The following LDHAL6A variants were observed in gnomAD, a reference collection of about 807,000 sequenced individuals.
LDHAL6A encodes L-lactate dehydrogenase A-like 6A.
A neutral mutation model predicts 28.2 loss-of-function variants in LDHAL6A; 19 were observed. That is an observed-to-expected ratio of 0.67 (90% CI 0.47 to 0.99). LDHAL6A has a LOEUF of 0.99. Among genes scored for constraint, LDHAL6A ranks in the 50% least tolerant of loss-of-function variants. The pLI, the probability that LDHAL6A is intolerant of heterozygous loss-of-function variation, is 0.00. For synonymous variants in LDHAL6A, 144 were observed against 134.4 expected, an observed-to-expected ratio of 1.07 and a Z score of -0.49; for missense variants, 372 against 398.6, an observed-to-expected ratio of 0.93 and a Z score of 0.57.
In LDHAL6A at chr11:18,479,479, G is replaced by A. The variant is rs1333694132; in HGVS notation, c.*609G>A. On this transcript the variant is annotated 3_prime_UTR_variant, in exon 7 of 7. Transcript: ENST00000280706. ...CAGGTGCATAGTAATTCTTCTCTATGGCTTAATACCTATGTTCATTTACAT... is the reference window on the plus strand; with the variant it reads ...CAGGTGCATAGTAATTCTTCTCTATAGCTTAATACCTATGTTCATTTACAT... The A allele has an allele frequency of 6.6e-6, 1 of 151,690 alleles. No individual in the cohort carries two copies. Among genetic ancestry groups the A allele is most frequent in the Non-Finnish European group, 1.5e-5 (1 of 67,946 alleles). 9.4% of individuals were successfully genotyped at this position (151,690 alleles called of 1,614,324 possible). A position where few individuals can be genotyped will look rare whatever the true frequency, so the allele number is the denominator to read the frequency against.
rs1285929541 is a variant in LDHAL6A, at chr11:18,456,516, C to T, written c.-165C>T. On this transcript the variant is annotated 5_prime_UTR_variant, in exon 1 of 7. Transcript: ENST00000280706. Reference sequence around the variant, plus strand: ...GGCCAGAACCTACCCAGCTTCTTTGCTGGTCAGATTTGTCGGTCTTTTGTG... The same window carrying T: ...GGCCAGAACCTACCCAGCTTCTTTGTTGGTCAGATTTGTCGGTCTTTTGTG... The T allele has an allele frequency of 8.1e-6, 5 of 614,396 alleles. No individual in the cohort carries two copies. The highest frequency in any genetic ancestry group is 2.9e-5 in the East Asian group (1 of 33,984). The allele number at this position is 614,396 out of a possible 1,614,324, so 38.1% of individuals were successfully genotyped here.
In LDHAL6A at chr11:18,478,901, G is replaced by A; in HGVS notation, c.*31G>A. 2 of 1,548,026 alleles carry A rather than the reference G, an allele frequency of 1.3e-6. No individual in the cohort carries two copies. The highest frequency in any genetic ancestry group is 1.8e-6 in the Non-Finnish European group (2 of 1,135,650). Reference sequence around the variant, plus strand: ...CTTAAAGCTAATTCTGTAGATTGAAGATGAAATAGTAGTTATGGAATTGTA... The same window carrying A: ...CTTAAAGCTAATTCTGTAGATTGAAAATGAAATAGTAGTTATGGAATTGTA... On this transcript the variant is annotated 3_prime_UTR_variant, in exon 7 of 7. Coordinates refer to ENST00000280706, the MANE Select transcript of LDHAL6A (RefSeq NM_144972.5).
At chr11:18,463,753 T>C (rs1425528767) in intron 1 of LDHAL6A, among the ~76,000 whole-genome samples, 1 of 152,236 alleles carries the variant, frequency 6.6e-6, no homozygotes, top group East Asian at 1.9e-4. Flanking sequence ...GTTTTCCTCA[T>C]GATGAGCTGA....
At chr11:18,463,041 C>G (rs1199054027) in intron 1 of LDHAL6A, among the ~76,000 whole-genome samples, 1 of 151,398 alleles carries the variant, frequency 6.6e-6, no homozygotes, top group Non-Finnish European at 1.5e-5. Context: ...GAATTGATTT[C>G]TGTAGGTAAT....
chr11:18,456,862 C>A, intron 1 of LDHAL6A, 56 bp downstream of exon 1: 3 of 1,562,752 alleles, frequency 1.9e-6, no homozygotes, highest in Non-Finnish European at 2.6e-6. Flanking sequence ...GAGGCCACAG[C>A]GTATGGTTGT....
chr11:18,473,002 G>T (rs1328393964), intron 3 of LDHAL6A, among the ~76,000 whole-genome samples: 1 of 151,898 alleles, frequency 6.6e-6, no homozygotes, highest in African/African-American at 2.4e-5. Context: ...GAAATAGCAG[G>T]ACAATCACTT....
rs747636278 is a variant in LDHAL6A at position 18,456,787 on chromosome 11, C to T, written c.107C>T (p.Ala36Val). ...VGTGSVGVAC[A>V]ISILLKGLSD... Reference sequence around the variant, plus strand: ...ACTGGATCGGTTGGTGTGGCTTGTGCTATCAGCATCTTATTAAAAGTAAGT... The same window carrying T: ...ACTGGATCGGTTGGTGTGGCTTGTGTTATCAGCATCTTATTAAAAGTAAGT... Residue 36 changes from alanine (A) to valine (V), a missense_variant, in exon 1 of 7, where the codon GCT (alanine) becomes GTT (valine). Physicochemically the swap from Ala to Val is moderately conservative, Grantham distance 64 (BLOSUM62 0). Transcript: ENST00000280706. 3.1e-6 allele frequency: 5 copies of T among 1,612,554 alleles called. No individual in the cohort carries two copies. In the African/African-American group the frequency reaches 6.7e-5, roughly 22 times the overall value.
At chr11:18,462,914 A>G (rs1016836870) in intron 1 of LDHAL6A, among the ~76,000 whole-genome samples, 1 of 150,980 alleles carries the variant, frequency 6.6e-6, no homozygotes, top group Non-Finnish European at 1.5e-5. Context: ...CTTAGCATCC[A>G]CTTTAGGCAA....
At chr11:18,477,165 T>C (rs1849404061) in intron 5 of LDHAL6A, among the ~76,000 whole-genome samples, 1 of 151,358 alleles carries the variant, frequency 6.6e-6, no homozygotes, top group African/African-American at 2.4e-5. Context: ...AAAATGCATA[T>C]ATATGGCCGG....
chr11:18,473,414 C>CAGATAGAT (rs796584266), intron 3 of LDHAL6A, among the ~76,000 whole-genome samples: 42 of 150,346 alleles, frequency 2.8e-4, no homozygotes, highest in Non-Finnish European at 5.3e-4. Context: ...GACAGACAGA[C>CAGATAGAT]AGATAGATAC....
rs542791220 is a variant in LDHAL6A at position 18,478,412 on chromosome 11, C to T, written c.835-294C>T. On this transcript the variant is annotated intron_variant, in intron 6 of 6. Coordinates refer to ENST00000280706, the MANE Select transcript of LDHAL6A (RefSeq NM_144972.5). ...AATCATGTTTTAAATTGTTTTCTGT[C>T]GGCCGGGCGTGGTGGTGTGTGCCTG... Among the ~76,000 whole-genome samples the T allele has an allele frequency of 2.9e-4, 44 of 152,086 alleles. 1 individual carries two copies. Among genetic ancestry groups the T allele is most frequent in the Admixed American group, 2.6e-3 (40 of 15,270 alleles).
chr11:18,456,904 G>C lies in LDHAL6A; in HGVS notation c.126+98G>C, dbSNP rs1189305707. On this transcript the variant is annotated intron_variant, in intron 1 of 6. Coordinates refer to ENST00000280706, the MANE Select transcript of LDHAL6A (RefSeq NM_144972.5). Reference sequence around the variant, plus strand: ...TGTGTCCAGTTCAAGGTGGTGAGTGGGGAGCCAGTGTGAGGGGCATCAGAG... The same window carrying C: ...TGTGTCCAGTTCAAGGTGGTGAGTGCGGAGCCAGTGTGAGGGGCATCAGAG... 3.9e-6 allele frequency: 5 copies of C among 1,298,326 alleles called. No individual in the cohort carries two copies. The African/African-American group carries it at 7.6e-5, about 20-fold the overall frequency. 80.4% of individuals were successfully genotyped at this position (1,298,326 alleles called of 1,614,324 possible).
chr11:18,463,178 A>C (rs1848970090), intron 1 of LDHAL6A, among the ~76,000 whole-genome samples: 1 of 152,146 alleles, frequency 6.6e-6, no homozygotes, highest in Admixed American at 6.5e-5. Context: ...ATGTGGCAGT[A>C]TTGAGAGGTG....
chr11:18,464,977 G>GTTTTTTTGT (rs1565068683), intron 2 of LDHAL6A, among the ~76,000 whole-genome samples: 4 of 125,564 alleles, frequency 3.2e-5, no homozygotes, highest in East Asian at 2.0e-4. Context: ...TGTTTTTTTT[G>GTTTTTTTGT]TTTTTTTTTG....
chr11:18,477,768 C>A, intron 6 of LDHAL6A, 25 bp downstream of exon 6: 2 of 1,575,052 alleles, frequency 1.3e-6, no homozygotes, highest in South Asian at 2.4e-5. Flanking sequence ...TTCGAAAAAT[C>A]ATTAACTCAA....
At chr11:18,462,607 A>G (rs552745666) in intron 1 of LDHAL6A, among the ~76,000 whole-genome samples, 1 of 148,554 alleles carries the variant, frequency 6.7e-6, no homozygotes, top group Non-Finnish European at 1.5e-5. Context: ...ACTGCACTCC[A>G]GCCTGGGCAA....
At chr11:18,459,307 T>C (rs771502024) in intron 1 of LDHAL6A, among the ~76,000 whole-genome samples, 1 of 152,218 alleles carries the variant, frequency 6.6e-6, no homozygotes, top group Non-Finnish European at 1.5e-5. Context: ...CATCTTTCTT[T>C]CGTGCTGGAT....
intron 3 of LDHAL6A, among the ~76,000 whole-genome samples, chr11:18,466,794 G>C (rs1849086017): frequency 6.6e-6 from 1 of 152,124 alleles, no homozygotes; most frequent in South Asian, 2.1e-4. Context: ...TTTACTGCCT[G>C]ACTCTCCAAA....
At chr11:18,463,342 T>G (rs759689542) in intron 1 of LDHAL6A, among the ~76,000 whole-genome samples, 33 of 152,202 alleles carry the variant, frequency 2.2e-4, no homozygotes, top group Non-Finnish European at 4.0e-4. Flanking sequence ...TGATGCCCTG[T>G]GCTGCCTTGG....
Sources: gnomAD v4.1 joint callset for allele counts (sites outside exome capture counted in the v4.1 genomes callset) on GRCh38, gnomAD v4.1.1 for gene constraint, MANE v1.5 for transcripts, NCBI Gene and HGNC (gene_info 2026-07-23, HGNC 2026-07-21) for gene names.